Variants in CTNNA3 observed in about 807,000 individuals in gnomAD.
CTNNA3 encodes catenin alpha-3.
Under a neutral mutation model 95.7 loss-of-function variants are expected in CTNNA3, and 76 were observed. The observed-to-expected ratio is 0.79, with a 90% confidence interval of 0.66 to 0.96. CTNNA3 has a LOEUF of 0.96. CTNNA3 is among the 40% of genes least tolerant of loss of function. The pLI is 0.00. For missense variants in CTNNA3, 1,191 were observed against 1,089.8 expected, an observed-to-expected ratio of 1.09 and a Z score of -1.31; for synonymous variants, 431 against 374.4, an observed-to-expected ratio of 1.15 and a Z score of -1.74.
At chr10:65,970,046 G>A (rs78600792) in intron 16 of CTNNA3, among the ~76,000 whole-genome samples, 272 of 152,134 alleles carry the variant, frequency 1.8e-3, no homozygotes, top group Non-Finnish European at 3.5e-3. Flanking sequence ...ACACACAAAG[G>A]AAATCCCAAA....
chr10:67,372,822 C>A (rs1843531063), intron 5 of CTNNA3, among the ~76,000 whole-genome samples: 1 of 152,158 alleles, frequency 6.6e-6, no homozygotes, highest in African/African-American at 2.4e-5. Context: ...GGCCAATATT[C>A]AACATTCTTA....
At position 67,029,910 on chromosome 10, in the gene CTNNA3, T is replaced by C. The variant is rs993399799; in HGVS notation, c.1047+150407A>G. Among the ~76,000 whole-genome samples, 8 of 152,202 alleles carry C rather than the reference T, an allele frequency of 5.3e-5. No homozygotes were observed. In the East Asian group the frequency reaches 1.2e-3, roughly 22 times the overall value. ...GACACTGCACTGGACAATCCAGATATAGAACAGCCCCATGGCTGGCCAAAG... is the reference window on the plus strand; with the variant it reads ...GACACTGCACTGGACAATCCAGATACAGAACAGCCCCATGGCTGGCCAAAG... On this transcript the variant is annotated intron_variant, in intron 7 of 17. Coordinates refer to ENST00000433211, the MANE Select transcript of CTNNA3 (RefSeq NM_013266.4).
intron 1 of CTNNA3, among the ~76,000 whole-genome samples, chr10:67,659,225 A>G (rs577981477): frequency 6.6e-6 from 1 of 152,304 alleles, no homozygotes; most frequent in African/African-American, 2.4e-5. Context: ...GGTCAAATCT[A>G]ATCTCCCTCT....
At chr10:66,132,876 C>T (rs759013644) in intron 13 of CTNNA3, among the ~76,000 whole-genome samples, 3 of 152,020 alleles carry the variant, frequency 2.0e-5, no homozygotes, top group East Asian at 3.9e-4. Context: ...AAGAGGGGAA[C>T]GACAGACACT....
chr10:66,611,623 T>C (rs542501419), intron 10 of CTNNA3, among the ~76,000 whole-genome samples: 2 of 152,230 alleles, frequency 1.3e-5, no homozygotes, highest in Non-Finnish European at 2.9e-5. Context: ...CTGCTGAAAC[T>C]ATTCTTTGGT....
intron 5 of CTNNA3, among the ~76,000 whole-genome samples, chr10:67,280,695 G>A (rs1289274204): frequency 6.6e-6 from 1 of 152,034 alleles, no homozygotes; most frequent in Non-Finnish European, 1.5e-5. Flanking sequence ...GGCATGCCCA[G>A]GCAAGAAGAC....
chr10:67,728,759 G>T (rs900694195), intron 1 of CTNNA3, among the ~76,000 whole-genome samples: 1 of 152,070 alleles, frequency 6.6e-6, no homozygotes, highest in Non-Finnish European at 1.5e-5. Context: ...ACAGCTGTGT[G>T]CTAATTTATG....
At chr10:67,759,292 T>C (rs1049302272) in intron 1 of CTNNA3, among the ~76,000 whole-genome samples, 1 of 152,224 alleles carries the variant, frequency 6.6e-6, no homozygotes, top group Admixed American at 6.5e-5. Context: ...CCAAAACATA[T>C]ACCTAGAGTT....
chr10:67,343,628 G>A (rs931737850), intron 5 of CTNNA3, among the ~76,000 whole-genome samples: 45 of 137,212 alleles, frequency 3.3e-4, no homozygotes, highest in Admixed American at 5.7e-4. Context: ...TACTGAATTT[G>A]TTTATCAGTT....
At chr10:66,948,129 C>T (rs1437119340) in intron 7 of CTNNA3, among the ~76,000 whole-genome samples, 1 of 152,092 alleles carries the variant, frequency 6.6e-6, no homozygotes, top group Non-Finnish European at 1.5e-5. Flanking sequence ...ATATGTAGTC[C>T]CTCATTGGCC....
chr10:66,708,149 G>A (rs1351266064), intron 9 of CTNNA3, among the ~76,000 whole-genome samples: 1 of 151,794 alleles, frequency 6.6e-6, no homozygotes, highest in Non-Finnish European at 1.5e-5. Context: ...TCTGGCAAGA[G>A]CCTTTCCTGG....
intron 11 of CTNNA3, among the ~76,000 whole-genome samples, chr10:66,423,214 T>C (rs1057120346): frequency 6.6e-6 from 1 of 152,152 alleles, no homozygotes; most frequent in Non-Finnish European, 1.5e-5. Context: ...ATTTGCTTTG[T>C]TTTTCATGAT....
intron 9 of CTNNA3, among the ~76,000 whole-genome samples, chr10:66,676,197 A>T (rs1846850030): frequency 6.6e-6 from 1 of 150,950 alleles, no homozygotes; most frequent in Admixed American, 6.6e-5. Flanking sequence ...GGTGACAGAG[A>T]AAGAGGTTAG....
chr10:66,384,693 A>G (rs960545085), intron 11 of CTNNA3, among the ~76,000 whole-genome samples: 5 of 152,210 alleles, frequency 3.3e-5, no homozygotes, highest in African/African-American at 1.2e-4. Flanking sequence ...AATGGGAAGT[A>G]AAGTACTCCT....
chr10:66,618,403 G>A (rs1055159900), intron 10 of CTNNA3, among the ~76,000 whole-genome samples: 9 of 151,856 alleles, frequency 5.9e-5, no homozygotes, highest in Non-Finnish European at 8.8e-5. Flanking sequence ...CAGAAATAAC[G>A]CTGCATATCT....
At chr10:66,316,852 A>G (rs1438293307) in intron 12 of CTNNA3, among the ~76,000 whole-genome samples, 1 of 152,174 alleles carries the variant, frequency 6.6e-6, no homozygotes, top group Non-Finnish European at 1.5e-5. Flanking sequence ...CAAGTAATAT[A>G]AATTTAACTT....
intron 13 of CTNNA3, among the ~76,000 whole-genome samples, chr10:66,131,080 A>AAAG (rs1219105532): frequency 2.6e-5 from 4 of 151,396 alleles, no homozygotes; most frequent in African/African-American, 4.8e-5. Flanking sequence ...AAAAAAAAAA[A>AAAG]AAGAAGAAGA....
chr10:67,115,780 C>T (rs1446164152), intron 7 of CTNNA3, among the ~76,000 whole-genome samples: 1 of 151,696 alleles, frequency 6.6e-6, no homozygotes, highest in South Asian at 2.1e-4. Flanking sequence ...GTCTTCAGAT[C>T]CTACAAGCAG....
chr10:66,619,653 T>G (rs1233628487), intron 10 of CTNNA3, among the ~76,000 whole-genome samples: 7 of 149,132 alleles, frequency 4.7e-5, no homozygotes, highest in East Asian at 2.0e-4. Flanking sequence ...CATGGCACAT[T>G]TATACATATG....
Sources: allele counts gnomAD v4.1 joint callset (sites outside exome capture counted in the v4.1 genomes callset), GRCh38; gene constraint gnomAD v4.1.1; transcripts MANE v1.5; gene names NCBI Gene and HGNC (gene_info 2026-07-23, HGNC 2026-07-21).